The following WSCD2 variants were observed in gnomAD, a reference collection of about 807,000 sequenced individuals.
WSCD2 encodes sialate:O-sulfotransferase 2.
Under a neutral mutation model 55.7 loss-of-function variants are expected in WSCD2, and 28 were observed. The ratio of observed to expected loss-of-function variants is 0.50; its 90% CI spans 0.37 to 0.69. The LOEUF is 0.69. WSCD2 is among the 30% of genes least tolerant of loss of function. WSCD2 has a pLI of 0.00. For missense variants in WSCD2, 616 were observed against 762.1 expected, an observed-to-expected ratio of 0.81 and a Z score of 2.26; for synonymous variants, 301 against 301.9, an observed-to-expected ratio of 1.00 and a Z score of 0.03.
chr12:108,194,098 T>C (rs1883571131), intron 1 of WSCD2, among the ~76,000 whole-genome samples: 1 of 152,206 alleles, frequency 6.6e-6, no homozygotes, highest in South Asian at 2.1e-4. Context: ...TTACATTCTA[T>C]TTTTCCTCTT....
intron 1 of WSCD2, among the ~76,000 whole-genome samples, chr12:108,182,970 C>T (rs1881992189): frequency 6.6e-6 from 1 of 151,500 alleles, no homozygotes; most frequent in African/African-American, 2.4e-5. Context: ...TAGAAAGGAG[C>T]TCTAGAATCT....
At chr12:108,205,183 T>A (rs976373843) in intron 2 of WSCD2, among the ~76,000 whole-genome samples, 1 of 152,194 alleles carries the variant, frequency 6.6e-6, no homozygotes, top group South Asian at 2.1e-4. Context: ...ATCCCCCAAC[T>A]CAAAAAGCAA....
chr12:108,219,956 T>C (rs1454463617), intron 4 of WSCD2, among the ~76,000 whole-genome samples: 1 of 152,220 alleles, frequency 6.6e-6, no homozygotes, highest in East Asian at 1.9e-4. Flanking sequence ...CAGACTCCAG[T>C]GTCAGGCAAC....
intron 1 of WSCD2, among the ~76,000 whole-genome samples, chr12:108,172,019 G>A (rs957848869): frequency 7.9e-5 from 12 of 152,230 alleles, no homozygotes; most frequent in Non-Finnish European, 1.2e-4. Context: ...GCACAGAGCT[G>A]CACCATTGTT....
chr12:108,133,827 C>T (rs949386131), intron 1 of WSCD2, among the ~76,000 whole-genome samples: 2 of 152,158 alleles, frequency 1.3e-5, no homozygotes, highest in African/African-American at 2.4e-5. Context: ...TGAACAAACT[C>T]GCAGATGTTA....
intron 1 of WSCD2, among the ~76,000 whole-genome samples, chr12:108,183,046 A>G (rs10778613): frequency 0.77 from 117,125 of 152,078 alleles, 45,760 homozygotes; most frequent in East Asian, 0.9. Context: ...TCTCTCTTCC[A>G]TTAGGTGCAG....
intron 2 of WSCD2, chr12:108,196,557 C>G (rs1256669197): frequency 1.3e-5 from 3 of 223,658 alleles, no homozygotes; most frequent in South Asian, 1.0e-4. Flanking sequence ...TGGGTACTTA[C>G]TAGGCACCAA....
intron 1 of WSCD2, among the ~76,000 whole-genome samples, chr12:108,189,129 A>G (rs1882867375): frequency 6.6e-6 from 1 of 152,244 alleles, no homozygotes; most frequent in Non-Finnish European, 1.5e-5. Context: ...GATATGAATC[A>G]ACCATATTGA....
chr12:108,137,640 G>C (rs185298171), intron 1 of WSCD2, among the ~76,000 whole-genome samples: 1 of 152,218 alleles, frequency 6.6e-6, no homozygotes, highest in South Asian at 2.1e-4. Flanking sequence ...CGTAACTTCT[G>C]TCCAGCTGAA....
intron 1 of WSCD2, among the ~76,000 whole-genome samples, chr12:108,175,452 C>T (rs1208592996): frequency 1.3e-5 from 2 of 152,206 alleles, no homozygotes; most frequent in East Asian, 3.8e-4. Context: ...TCAGGCCTCC[C>T]CTCGGTTTAA....
At chr12:108,136,704 G>A (rs1354454958) in intron 1 of WSCD2, among the ~76,000 whole-genome samples, 1 of 151,638 alleles carries the variant, frequency 6.6e-6, no homozygotes, top group African/African-American at 2.4e-5. Context: ...CAGAGCCCAC[G>A]TCTCTCTGAC....
intron 1 of WSCD2, among the ~76,000 whole-genome samples, chr12:108,134,254 G>T (rs1875926331): frequency 6.6e-6 from 1 of 152,130 alleles, no homozygotes; most frequent in Non-Finnish European, 1.5e-5. Flanking sequence ...CTGTATCCAT[G>T]CCCTTAGCCA....
At chr12:108,156,714 G>A (rs923503956) in intron 1 of WSCD2, among the ~76,000 whole-genome samples, 2 of 152,128 alleles carry the variant, frequency 1.3e-5, no homozygotes, top group South Asian at 4.2e-4. Flanking sequence ...AGTCAAATTC[G>A]ACTTGGAGTC....
At chr12:108,143,385 GTC>G (rs1337182837) in intron 1 of WSCD2, among the ~76,000 whole-genome samples, 2 of 151,904 alleles carry the variant, frequency 1.3e-5, no homozygotes, top group Non-Finnish European at 2.9e-5. Context: ...ATGAATTACT[GTC>G]TGTGGCTTCC....
intron 1 of WSCD2, among the ~76,000 whole-genome samples, chr12:108,191,804 C>T (rs548272152): frequency 6.6e-6 from 1 of 152,272 alleles, no homozygotes; most frequent in African/African-American, 2.4e-5. Flanking sequence ...TCAGCACCTT[C>T]CCTCCCCAGG....
chr12:108,229,490 A>G, intron 6 of WSCD2, among the ~76,000 whole-genome samples: 1 of 152,204 alleles, frequency 6.6e-6, no homozygotes, highest in East Asian at 1.9e-4. Context: ...TTCTCAAAAT[A>G]CATTGTGAAA....
intron 1 of WSCD2, among the ~76,000 whole-genome samples, chr12:108,166,753 TTTC>T (rs1285035353): frequency 2.2e-5 from 1 of 45,940 alleles, no homozygotes; most frequent in East Asian, 1.2e-3. Context: ...TCCTTCTTTC[TTTC>T]TTTCTTTTCT....
chr12:108,147,572 A>G (rs1299953316), intron 1 of WSCD2, among the ~76,000 whole-genome samples: 1 of 152,232 alleles, frequency 6.6e-6, no homozygotes, highest in African/African-American at 2.4e-5. Context: ...TCTTCTAGAC[A>G]CTCAGGTCAG....
chr12:108,172,054 G>GT (rs770364609), intron 1 of WSCD2, among the ~76,000 whole-genome samples: 1 of 152,204 alleles, frequency 6.6e-6, no homozygotes, highest in African/African-American at 2.4e-5. Flanking sequence ...GATTTCTAGG[G>GT]TTTTTGGAAA....
Sources: gnomAD v4.1 joint callset for allele counts (sites outside exome capture counted in the v4.1 genomes callset) on GRCh38, gnomAD v4.1.1 for gene constraint, MANE v1.5 for transcripts, NCBI Gene and HGNC (gene_info 2026-07-23, HGNC 2026-07-21) for gene names.